Variants in KDM4B observed in about 807,000 individuals in gnomAD.
KDM4B encodes the protein lysine-specific demethylase 4B.
Under a neutral mutation model 125.2 loss-of-function variants are expected in KDM4B, and 32 were observed. The ratio of observed to expected loss-of-function variants is 0.26; its 90% CI spans 0.19 to 0.34. KDM4B has a LOEUF of 0.34. Ranked by LOEUF, KDM4B falls within the 10% of genes least tolerant of loss-of-function variation. The pLI, the probability that KDM4B is intolerant of heterozygous loss-of-function variation, is 1.00. For synonymous variants in KDM4B, 721 were observed against 677.9 expected, an observed-to-expected ratio of 1.06 and a Z score of -0.99; for missense variants, 1,190 against 1,577.7, an observed-to-expected ratio of 0.75 and a Z score of 4.16.
At chr19:5,012,288 C>T (rs961348017) in intron 1 of KDM4B, among the ~76,000 whole-genome samples, 12 of 152,140 alleles carry the variant, frequency 7.9e-5, no homozygotes, top group Non-Finnish European at 1.3e-4. Flanking sequence ...TGAGAGTTCC[C>T]GTCTCTGCCT....
chr19:5,082,854 C>T lies in KDM4B; in HGVS notation c.918+350C>T, dbSNP rs1329880751. On this transcript the variant is annotated intron_variant, in intron 9 of 22. Coordinates refer to ENST00000159111, the MANE Select transcript of KDM4B (RefSeq NM_015015.3). This position sits in a 1 kb window ranked among gnomAD's most constrained non-coding sequence, Gnocchi z 5.4. ...TTCCTCCACCAGCACCATTGTCCCC[C>T]CTGCTGGCTGGCTCCTGGGCATCTC... Among the ~76,000 whole-genome samples, 2 of 132,244 alleles carry T rather than the reference C, an allele frequency of 1.5e-5. No homozygotes were observed. The highest frequency in any genetic ancestry group is 2.3e-4 in the South Asian group (1 of 4,298). 86.8% of individuals were successfully genotyped at this position (132,244 alleles called of 152,430 possible).
chr19:5,092,085 C>T (rs971097513), intron 9 of KDM4B, among the ~76,000 whole-genome samples: 4 of 152,300 alleles, frequency 2.6e-5, no homozygotes, highest in Admixed American at 1.3e-4. Context: ...GATCCCGGGC[C>T]GGGCCAGAAT....
At chr19:4,970,546 A>G (rs1243044872) in intron 1 of KDM4B, among the ~76,000 whole-genome samples, 1 of 152,120 alleles carries the variant, frequency 6.6e-6, no homozygotes, top group Non-Finnish European at 1.5e-5. Flanking sequence ...GCCATTTATC[A>G]GAATGTCCCC....
chr19:5,121,638 A>C (rs2039364027), intron 11 of KDM4B, among the ~76,000 whole-genome samples: 1 of 152,182 alleles, frequency 6.6e-6, no homozygotes, highest in Admixed American at 6.5e-5. Flanking sequence ...TAACCAAAAA[A>C]ATGATCTTTA....
At chr19:5,137,503 G>T in intron 16 of KDM4B, 118 bp from the exon 17 acceptor site, 2 of 1,248,378 alleles carry the variant, frequency 1.6e-6, no homozygotes, top group Non-Finnish European at 2.3e-6. Flanking sequence ...CACTTTGGTG[G>T]CTGCTAGGTT....
rs2036587343 is a variant in KDM4B, at chr19:5,035,446, G to C, written c.141+2415G>C. Reference sequence around the variant, plus strand: ...TTCCTCATCCCTCACCTCCCACCGGGCTCCATGCCCCGGTGTTTCCGGCTC... The same window carrying C: ...TTCCTCATCCCTCACCTCCCACCGGCCTCCATGCCCCGGTGTTTCCGGCTC... On this transcript the variant is annotated intron_variant, in intron 3 of 22. Transcript: ENST00000159111. The surrounding 1 kb of genome is among the most constrained non-coding windows in gnomAD (Gnocchi z 5.3). 6.6e-6 allele frequency among the ~76,000 whole-genome samples: 1 copy of C among 152,062 alleles called. No homozygotes were observed. Among genetic ancestry groups the C allele is most frequent in the Admixed American group, 6.5e-5 (1 of 15,274 alleles).
At chr19:4,982,488 C>A (rs1308190137) in intron 1 of KDM4B, among the ~76,000 whole-genome samples, 1 of 150,510 alleles carries the variant, frequency 6.6e-6, no homozygotes. Context: ...AGAAGAAAAC[C>A]TGGATGTATA....
At chr19:5,052,343 T>G (rs1373967788) in intron 6 of KDM4B, among the ~76,000 whole-genome samples, 3 of 120,776 alleles carry the variant, frequency 2.5e-5, no homozygotes, top group Non-Finnish European at 4.9e-5. Flanking sequence ...GGAACCGTGC[T>G]CCAGACACTG....
intron 9 of KDM4B, among the ~76,000 whole-genome samples, chr19:5,104,933 A>G (rs2039006593): frequency 1.3e-5 from 2 of 152,294 alleles, no homozygotes; most frequent in South Asian, 4.2e-4. Flanking sequence ...AACTGGGGCC[A>G]TCCCAGCCGG....
intron 9 of KDM4B, among the ~76,000 whole-genome samples, chr19:5,085,891 C>T (rs540462323): frequency 6.6e-6 from 1 of 152,332 alleles, no homozygotes; most frequent in African/African-American, 2.4e-5. Flanking sequence ...GTTAGAGCAT[C>T]TCGCCGCACA....
chr19:5,143,848 C>A, intron 18 of KDM4B, 119 bp from the exon 19 acceptor site: 1 of 800,972 alleles, frequency 1.2e-6, no homozygotes, highest in Non-Finnish European at 2.0e-6. Context: ...CTGGGCAGAG[C>A]GCAGGGCCAC....
chr19:5,128,875 T>C lies in KDM4B; in HGVS notation c.1316-2201T>C, dbSNP rs578249298. ...AGGCGGGGGGCGGGGGGGGGGGTCA[T>C]ATAACAGCGGGGGGCCCGGATACCA... On this transcript the variant is annotated intron_variant, in intron 11 of 22. Transcript: ENST00000159111. Among the ~76,000 whole-genome samples the C allele has an allele frequency of 4.7e-3, 597 of 127,644 alleles. 11 individuals carry two copies. Among genetic ancestry groups the C allele is most frequent in the Non-Finnish European group, 7.1e-3 (421 of 59,030 alleles). 83.7% of individuals were successfully genotyped at this position (127,644 alleles called of 152,430 possible). A position where few individuals can be genotyped will look rare whatever the true frequency, so the allele number is the denominator to read the frequency against.
intron 2 of KDM4B, among the ~76,000 whole-genome samples, chr19:5,030,499 T>C (rs1293779687): frequency 6.6e-6 from 1 of 152,110 alleles, no homozygotes; most frequent in Non-Finnish European, 1.5e-5. Flanking sequence ...GACTCTTACT[T>C]GAGGGCTTCC....
intron 1 of KDM4B, among the ~76,000 whole-genome samples, chr19:5,003,502 CAAACAAAT>C (rs1228768394): frequency 2.6e-5 from 4 of 151,762 alleles, no homozygotes; most frequent in East Asian, 1.9e-4. Flanking sequence ...AACAAACAAA[CAAACAAAT>C]AAATAAATCC....
chr19:4,976,754 C>T (rs904684988), intron 1 of KDM4B, among the ~76,000 whole-genome samples: 4 of 152,190 alleles, frequency 2.6e-5, no homozygotes, highest in East Asian at 1.9e-4. Context: ...AAGTGCCCGT[C>T]GGTGGCCATC....
intron 22 of KDM4B, among the ~76,000 whole-genome samples, 161 bp from the exon 23 acceptor site, chr19:5,151,174 G>T (rs891225492): frequency 6.6e-6 from 1 of 152,210 alleles, no homozygotes; most frequent in African/African-American, 2.4e-5. Context: ...CTGCTGGCAG[G>T]ATCAGGGGTT....
At position 5,131,145 on chromosome 19, in the gene KDM4B, T is replaced by C; in HGVS notation, c.1385T>C (p.Leu462Pro). The change falls in exon 12 of 23, where the codon CTG becomes CCG. Residue 462 changes from leucine (L) to proline (P), a missense_variant. Physicochemically the swap from Leu to Pro is moderately conservative, Grantham distance 98. Around this residue, in one of 7 missense-constraint regions of KDM4B, gnomAD observed 428 missense variants for 405.1 expected, o/e 1.06. Transcript: ENST00000159111. Reference protein sequence around the residue: ...SERKKKSFGLLPPQLPPPPAH... With the variant: ...SERKKKSFGLPPPQLPPPPAH... ...CGGAAGAAGAAGAGCTTCGGCCTGC[T>C]GCCCCCACAGCTGCCGCCCCCGCCT... 2 of 1,547,758 alleles carry C rather than the reference T, an allele frequency of 1.3e-6. No homozygotes were observed.
At chr19:5,137,497 T>C in intron 16 of KDM4B, 124 bp from the exon 17 acceptor site, 1 of 1,228,622 alleles carries the variant, frequency 8.1e-7, no homozygotes, top group Admixed American at 2.0e-5. Flanking sequence ...ACCCGTCACT[T>C]TGGTGGCTGC....
chr19:5,135,593 C>G, intron 15 of KDM4B, 32 bp downstream of exon 15: 1 of 1,523,156 alleles, frequency 6.6e-7, no homozygotes, highest in South Asian at 1.2e-5. Flanking sequence ...AGAGGAGCTG[C>G]GCCCTCCTTC....
Sources: allele counts gnomAD v4.1 joint callset (sites outside exome capture counted in the v4.1 genomes callset), GRCh38; gene constraint gnomAD v4.1.1; regional missense constraint gnomAD v4.1.1; non-coding constraint Gnocchi (gnomAD v3.1); transcripts MANE v1.5; gene names NCBI Gene and HGNC (gene_info 2026-07-23, HGNC 2026-07-21).